Variants in RIMS1 observed in about 807,000 individuals in gnomAD.
RIMS1 encodes regulating synaptic membrane exocytosis 1.
RIMS1 carries 83 observed loss-of-function variants against 214.1 expected under a neutral mutation model. The ratio of observed to expected loss-of-function variants is 0.39; its 90% CI spans 0.32 to 0.47. RIMS1 has a LOEUF of 0.47. RIMS1 is among the 20% of genes least tolerant of loss of function. The pLI, the probability that RIMS1 is intolerant of heterozygous loss-of-function variation, is 0.99. For synonymous variants in RIMS1, 793 were observed against 786.8 expected (o/e 1.01, Z -0.13); for missense variants, 2,050 against 2,161.8 (o/e 0.95, Z 1.03).
chr6:72,141,380 A>G (rs2042060184), intron 4 of RIMS1, among the ~76,000 whole-genome samples: 1 of 151,978 alleles, frequency 6.6e-6, no homozygotes, highest in East Asian at 1.9e-4. Context: ...TCCCCCTCAA[A>G]AAAAGTTTAA....
intron 26 of RIMS1, among the ~76,000 whole-genome samples, chr6:72,292,609 G>C (rs2093565251): frequency 6.6e-6 from 1 of 152,054 alleles, no homozygotes; most frequent in East Asian, 1.9e-4. Flanking sequence ...AAGAGAAAGA[G>C]AGAGAGAATG....
chr6:71,996,424 A>G (rs1337886220), intron 2 of RIMS1, among the ~76,000 whole-genome samples: 1 of 152,166 alleles, frequency 6.6e-6, no homozygotes, highest in African/African-American at 2.4e-5. Flanking sequence ...TTTCACTATT[A>G]TGTTTTTCAA....
chr6:72,243,578 G>T (rs1344251932), intron 10 of RIMS1, among the ~76,000 whole-genome samples: 1 of 151,668 alleles, frequency 6.6e-6, no homozygotes, highest in Admixed American at 6.6e-5. Flanking sequence ...ATTGGAAAAT[G>T]AATCAAAAGT....
chr6:72,182,148 G>A (rs2048492322), intron 5 of RIMS1, 136 bp from the exon 6 acceptor site: 1 of 929,114 alleles, frequency 1.1e-6, no homozygotes, highest in Admixed American at 3.1e-5. Context: ...CACCCTTACA[G>A]TTCCACCTTC....
At chr6:71,890,570 T>TTAA (rs1491363444) in intron 1 of RIMS1, among the ~76,000 whole-genome samples, 2 of 81,528 alleles carry the variant, frequency 2.5e-5, no homozygotes, top group Non-Finnish European at 4.7e-5. Flanking sequence ...CTCCTTTTTG[T>TTAA]AAAAAAAAAA....
intron 2 of RIMS1, among the ~76,000 whole-genome samples, chr6:72,091,121 C>A (rs1214948737): frequency 3.9e-5 from 6 of 152,242 alleles, no homozygotes; most frequent in African/African-American, 1.4e-4. Flanking sequence ...CTAAAGCAAT[C>A]CTCCTGTTGG....
At position 72,400,564 on chromosome 6, in the gene RIMS1, G is replaced by A. The variant is rs2098828911; in HGVS notation, c.4929G>A (p.Leu1643=). The A allele has an allele frequency of 2.5e-6, 4 of 1,613,958 alleles. No homozygotes were observed. Among genetic ancestry groups the A allele is most frequent in the Non-Finnish European group, 3.4e-6 (4 of 1,179,902 alleles). ...TTATGGGTGTGGCTCAGATCTTGTTGGAAGAACTCGACCTGTCCAGCATGG... is the reference window on the plus strand; with the variant it reads ...TTATGGGTGTGGCTCAGATCTTGTTAGAAGAACTCGACCTGTCCAGCATGG... ...KCFMGVAQIL[L]EELDLSSMVI... is the part of the protein sequence containing the mutation. The change falls in exon 34 of 34, where the codon TTG becomes TTA. Residue 1643 remains leucine (L), a synonymous_variant. Transcript: ENST00000521978.
intron 15 of RIMS1, 115 bp from the exon 16 acceptor site, chr6:72,252,646 T>C: frequency 1.3e-6 from 1 of 773,294 alleles, no homozygotes; most frequent in Non-Finnish European, 2.3e-6. Context: ...TGTATTAGTC[T>C]TCATAAGTTT....
At chr6:71,957,531 T>C (rs1351733315) in intron 1 of RIMS1, among the ~76,000 whole-genome samples, 2 of 142,248 alleles carry the variant, frequency 1.4e-5, no homozygotes, top group Non-Finnish European at 2.9e-5. Flanking sequence ...GGTGACAAAT[T>C]TCAGTCTTAG....
intron 22 of RIMS1, among the ~76,000 whole-genome samples, chr6:72,269,524 T>G (rs1000838979): frequency 3.9e-5 from 6 of 152,190 alleles, no homozygotes; most frequent in African/African-American, 1.4e-4. Flanking sequence ...TGATGATGTC[T>G]AAATCAACTT....
intron 28 of RIMS1, chr6:72,316,994 G>A (rs2095839607): frequency 1.8e-6 from 1 of 545,580 alleles, no homozygotes; most frequent in Non-Finnish European, 3.5e-6. Context: ...GTGGCTCCCT[G>A]CTGGGAAGCC....
chr6:72,366,762 C>T, intron 29 of RIMS1: 1 of 985,792 alleles, frequency 1.0e-6, no homozygotes, highest in African/African-American at 1.7e-5. Flanking sequence ...ATATTCCAGC[C>T]AGCCACCGCA....
At chr6:72,033,903 A>T (rs1260975952) in intron 2 of RIMS1, among the ~76,000 whole-genome samples, 8 of 152,302 alleles carry the variant, frequency 5.3e-5, no homozygotes, top group East Asian at 1.9e-4. Context: ...AAATTTTTTT[A>T]AAAAATATTT....
chr6:72,310,785 G>A (rs1313654534), intron 27 of RIMS1, among the ~76,000 whole-genome samples: 1 of 151,950 alleles, frequency 6.6e-6, no homozygotes, highest in Non-Finnish European at 1.5e-5. Flanking sequence ...TGATTAAAAT[G>A]TTAACATATT....
intron 2 of RIMS1, among the ~76,000 whole-genome samples, chr6:72,046,032 CT>C (rs768633940): frequency 1.1e-3 from 172 of 151,924 alleles, no homozygotes; most frequent in Non-Finnish European, 2.1e-3. Context: ...ACATAATTTT[CT>C]TTTAAAAAAT....
chr6:72,125,924 C>T (rs968977462), intron 4 of RIMS1, among the ~76,000 whole-genome samples: 7 of 152,156 alleles, frequency 4.6e-5, no homozygotes, highest in Non-Finnish European at 1.0e-4. Flanking sequence ...AAGGGAAATC[C>T]CCTGACCCCT....
chr6:72,346,339 A>G (rs1483054261), intron 29 of RIMS1, among the ~76,000 whole-genome samples: 1 of 151,852 alleles, frequency 6.6e-6, no homozygotes, highest in East Asian at 1.9e-4. Flanking sequence ...TAGTTAATAG[A>G]ATACAAGAAT....
At chr6:72,277,099 T>G (rs544374241) in intron 23 of RIMS1, among the ~76,000 whole-genome samples, 9 of 152,342 alleles carry the variant, frequency 5.9e-5, no homozygotes, top group East Asian at 1.9e-4. Context: ...TTAAGAGAGT[T>G]ATCCAGTACA....
chr6:71,964,707 A>G (rs960756667), intron 1 of RIMS1, among the ~76,000 whole-genome samples: 1 of 152,158 alleles, frequency 6.6e-6, no homozygotes, highest in Non-Finnish European at 1.5e-5. Flanking sequence ...GAAAAGTTCT[A>G]TTTTGGAAAT....
Sources: gnomAD v4.1 joint callset for allele counts (sites outside exome capture counted in the v4.1 genomes callset) on GRCh38, gnomAD v4.1.1 for gene constraint, MANE v1.5 for transcripts, NCBI Gene and HGNC (gene_info 2026-07-23, HGNC 2026-07-21) for gene names.